Variants in OR51B5 observed in about 807,000 individuals in gnomAD.
OR51B5 encodes olfactory receptor family 51 subfamily B member 5.
For missense variants in OR51B5, 456 were observed against 374.6 expected (o/e 1.22, Z -1.79); for synonymous variants, 186 against 144.8 (o/e 1.28, Z -2.04).
At chr11:5,366,566 G>T (rs544612694) in intron 1 of OR51B5, among the ~76,000 whole-genome samples, 77 of 151,958 alleles carry the variant, frequency 5.1e-4, no homozygotes, top group African/African-American at 1.8e-3. Flanking sequence ...CCGAGATCGC[G>T]CCATTGCACT....
intron 1 of OR51B5, among the ~76,000 whole-genome samples, chr11:5,373,410 C>T (rs12799977): frequency 0.11 from 17,396 of 152,134 alleles, 1,112 homozygotes; most frequent in South Asian, 0.17. Context: ...ACACAGAAGA[C>T]GGGTGATTTC....
intron 1 of OR51B5, among the ~76,000 whole-genome samples, chr11:5,369,722 T>A (rs935876375): frequency 6.6e-6 from 1 of 152,198 alleles, no homozygotes; most frequent in Admixed American, 6.5e-5. Flanking sequence ...TATACATATA[T>A]GAACATACTC....
At chr11:5,456,569 G>A (rs1850964092) in intron 1 of OR51B5, 1 of 152,012 alleles carries the variant, frequency 6.6e-6, no homozygotes, top group Non-Finnish European at 1.5e-5. Context: ...CTAAAATAAA[G>A]GTAAAAATCA....
intron 1 of OR51B5, chr11:5,354,659 G>A (rs112513849): frequency 0.014 from 2,248 of 160,840 alleles, 59 homozygotes; most frequent in African/African-American, 0.051. Flanking sequence ...CACACTGAGC[G>A]CTCAGCTCCT....
chr11:5,484,647 A>G (rs1851474341), intron 1 of OR51B5, among the ~76,000 whole-genome samples: 1 of 152,142 alleles, frequency 6.6e-6, no homozygotes, highest in Admixed American at 6.6e-5. Flanking sequence ...GATCTTCCCA[A>G]TACTTCTGTC....
At chr11:5,453,370 T>C (rs193242103) in intron 1 of OR51B5, 88 of 641,494 alleles carry the variant, frequency 1.4e-4, no homozygotes, top group Non-Finnish European at 1.2e-4. Flanking sequence ...TTTCCATTTA[T>C]GTCAACATCA....
intron 1 of OR51B5, among the ~76,000 whole-genome samples, chr11:5,349,846 CAG>C (rs1849049548): frequency 6.6e-6 from 1 of 152,124 alleles, no homozygotes; most frequent in Non-Finnish European, 1.5e-5. Flanking sequence ...TTAGCTATGT[CAG>C]AAGTTCCCAC....
At chr11:5,460,588 T>C (rs545763977) in intron 1 of OR51B5, among the ~76,000 whole-genome samples, 1 of 131,318 alleles carries the variant, frequency 7.6e-6, no homozygotes, top group South Asian at 2.5e-4. Context: ...ATTTTAGCCA[T>C]TTCAATCAGG....
chr11:5,342,527 C>T (rs1848910865), downstream of OR51B5: 1 of 1,516,566 alleles, frequency 6.6e-7, no homozygotes, highest in South Asian at 1.4e-5. Context: ...GACTTCTTTG[C>T]TCTCCTGCTA....
intron 1 of OR51B5, among the ~76,000 whole-genome samples, chr11:5,440,288 C>A (rs1850658171): frequency 6.6e-6 from 1 of 152,140 alleles, no homozygotes; most frequent in African/African-American, 2.4e-5. Flanking sequence ...TTTCAGGATA[C>A]CGATGGCTCT....
At chr11:5,442,295 AATT>A (rs1850701317) in intron 1 of OR51B5, among the ~76,000 whole-genome samples, 1 of 152,174 alleles carries the variant, frequency 6.6e-6, no homozygotes, top group Admixed American at 6.5e-5. Context: ...AAAAAGAGAA[AATT>A]ATTACTTAAC....
intron 1 of OR51B5, among the ~76,000 whole-genome samples, chr11:5,383,644 TG>T (rs1390370773): frequency 6.6e-6 from 1 of 152,164 alleles, no homozygotes; most frequent in Non-Finnish European, 1.5e-5. Flanking sequence ...AGCCAAAACC[TG>T]GGGACTGAAT....
intron 1 of OR51B5, chr11:5,362,685 A>T (rs17270776): frequency 0.41 from 85,174 of 210,082 alleles, 18,913 homozygotes; most frequent in South Asian, 0.47. Flanking sequence ...CTGATTGTAG[A>T]GCTTTTGGCC....
chr11:5,394,830 G>A (rs1849843514), intron 1 of OR51B5, among the ~76,000 whole-genome samples: 1 of 152,144 alleles, frequency 6.6e-6, no homozygotes, highest in Non-Finnish European at 1.5e-5. Flanking sequence ...GACAGAGTTT[G>A]TGTCTTATTA....
At chr11:5,439,097 G>A (rs1008371285) in intron 1 of OR51B5, among the ~76,000 whole-genome samples, 33 of 142,496 alleles carry the variant, frequency 2.3e-4, no homozygotes, top group Middle Eastern at 3.5e-3. Context: ...TCTCTCTCTC[G>A]TCCTCTCTCT....
At chr11:5,441,558 G>A in intron 1 of OR51B5, 1 of 1,443,878 alleles carries the variant, frequency 6.9e-7, no homozygotes. Flanking sequence ...AGGGTGTGTT[G>A]GGAAACTTCT....
chr11:5,343,169 T>C, exon 1 of OR51B5: 1 of 1,613,684 alleles, frequency 6.2e-7, no homozygotes, highest in South Asian at 1.1e-5. Context: ...AATAAAACGG[T>C]CATAGGCCAT....
intron 1 of OR51B5, among the ~76,000 whole-genome samples, chr11:5,463,942 G>A (rs773542982): frequency 7.9e-5 from 12 of 152,208 alleles, no homozygotes; most frequent in Non-Finnish European, 1.5e-4. Flanking sequence ...ACTGGTGGAC[G>A]TGTTAATGTT....
At chr11:5,408,119 A>G (rs1353627151) in intron 1 of OR51B5, among the ~76,000 whole-genome samples, 1 of 152,114 alleles carries the variant, frequency 6.6e-6, no homozygotes, top group African/African-American at 2.4e-5. Flanking sequence ...AACTACAGCA[A>G]TATCAAATAT....
Sources: allele counts gnomAD v4.1 joint callset (sites outside exome capture counted in the v4.1 genomes callset), GRCh38; gene constraint gnomAD v4.1.1; transcripts MANE v1.5; gene names NCBI Gene and HGNC (gene_info 2026-07-23, HGNC 2026-07-21).